SLC35F3: variants seen among roughly 807,000 people sequenced by gnomAD.
SLC35F3 encodes solute carrier family 35 member F3, also known as putative thiamine transporter SLC35F3.
In SLC35F3, 25 loss-of-function variants were observed where a neutral mutation model predicts 49.9. That is an observed-to-expected ratio of 0.50 (90% CI 0.37 to 0.70). The LOEUF (loss-of-function observed/expected upper bound fraction) is 0.70, where lower values mean the gene tolerates loss of function less well. Ranked by LOEUF, SLC35F3 falls within the 30% of genes least tolerant of loss-of-function variation. The probability of loss-of-function intolerance (pLI) is 0.00; values close to 1 mark genes in which losing one functional copy is unlikely to be tolerated. For synonymous variants in SLC35F3, 275 were observed against 265.4 expected (o/e 1.04, Z -0.35); for missense variants, 525 against 639.8 (o/e 0.82, Z 1.94).
intron 4 of SLC35F3, among the ~76,000 whole-genome samples, chr1:234,309,592 G>A (rs774231559): frequency 3.9e-5 from 6 of 152,330 alleles, no homozygotes; most frequent in Admixed American, 1.3e-4. Context: ...TGTGCCAGTC[G>A]GGGACCCAGC....
At chr1:234,161,166 G>A (rs1356307300) in intron 2 of SLC35F3, among the ~76,000 whole-genome samples, 4 of 152,106 alleles carry the variant, frequency 2.6e-5, no homozygotes, top group African/African-American at 9.7e-5. Context: ...TACTTTTTGT[G>A]ATTTACTCTG....
intron 2 of SLC35F3, among the ~76,000 whole-genome samples, chr1:233,928,169 G>T (rs934371948): frequency 5.3e-5 from 8 of 152,106 alleles, no homozygotes; most frequent in African/African-American, 1.9e-4. Flanking sequence ...ACAATGGGCA[G>T]CAGTAATCAT....
intron 2 of SLC35F3, among the ~76,000 whole-genome samples, chr1:234,184,712 G>A (rs763031556): frequency 6.6e-6 from 1 of 152,188 alleles, no homozygotes; most frequent in African/African-American, 2.4e-5. Context: ...AAAGGGAACT[G>A]AGGACTCAGC....
intron 2 of SLC35F3, among the ~76,000 whole-genome samples, chr1:234,140,167 A>G (rs1314576009): frequency 1.3e-5 from 2 of 151,804 alleles, no homozygotes; most frequent in Non-Finnish European, 2.9e-5. Flanking sequence ...CGCACTACTC[A>G]GAACAGAGCA....
chr1:234,015,435 A>G lies in SLC35F3; in HGVS notation c.283+109677A>G, dbSNP rs548063324. Among the ~76,000 whole-genome samples, 82 of 152,322 alleles carry G rather than the reference A, an allele frequency of 5.4e-4. 1 individual carries two copies. In the South Asian group the frequency reaches 0.016, roughly 30 times the overall value. Reference sequence around the variant, plus strand: ...CTTATAAAGCTATAGATATTAGAACAGTGTGATACTGGCATAAAAATAGAC... The same window carrying G: ...CTTATAAAGCTATAGATATTAGAACGGTGTGATACTGGCATAAAAATAGAC... On this transcript the variant is annotated intron_variant, in intron 2 of 7. Coordinates refer to ENST00000366618, the MANE Select transcript of SLC35F3 (RefSeq NM_173508.4).
chr1:234,129,317 C>T (rs12069929), intron 2 of SLC35F3, among the ~76,000 whole-genome samples: 82,187 of 151,994 alleles, frequency 0.54, 23,355 homozygotes, highest in Non-Finnish European at 0.62. Context: ...TGGTTACAAT[C>T]TAAAAGAAAG....
intron 2 of SLC35F3, among the ~76,000 whole-genome samples, chr1:233,926,346 T>G (rs2102790932): frequency 6.6e-6 from 1 of 152,294 alleles, no homozygotes; most frequent in South Asian, 2.1e-4. Flanking sequence ...TTACTCTTTT[T>G]TCTCTAAACT....
intron 2 of SLC35F3, among the ~76,000 whole-genome samples, chr1:234,092,832 C>G (rs1183567247): frequency 6.6e-6 from 1 of 152,180 alleles, no homozygotes; most frequent in Non-Finnish European, 1.5e-5. Flanking sequence ...TGCACCAGTG[C>G]ACTCCAGCCT....
chr1:234,112,191 A>G (rs1665417555), intron 2 of SLC35F3, among the ~76,000 whole-genome samples: 1 of 152,074 alleles, frequency 6.6e-6, no homozygotes, highest in Non-Finnish European at 1.5e-5. Flanking sequence ...AAAAATAAAA[A>G]AGAAAATAAA....
At chr1:234,154,061 C>CAA (rs918071713) in intron 2 of SLC35F3, among the ~76,000 whole-genome samples, 4 of 136,852 alleles carry the variant, frequency 2.9e-5, no homozygotes, top group African/African-American at 1.1e-4. Flanking sequence ...GACTCCGTCT[C>CAA]AAAAAAAAAA....
intron 2 of SLC35F3, among the ~76,000 whole-genome samples, chr1:233,991,410 G>A (rs12145109): frequency 0.28 from 42,044 of 151,202 alleles, 6,078 homozygotes; most frequent in East Asian, 0.49. Context: ...TAGCTCATCA[G>A]ATCCTGCAAA....
chr1:234,109,804 C>T (rs935794654), intron 2 of SLC35F3, among the ~76,000 whole-genome samples: 1 of 152,074 alleles, frequency 6.6e-6, no homozygotes, highest in African/African-American at 2.4e-5. Context: ...CAGTGGATGC[C>T]ACCTGGGCTC....
intron 2 of SLC35F3, among the ~76,000 whole-genome samples, chr1:234,074,309 C>T (rs1455922792): frequency 6.6e-6 from 1 of 152,174 alleles, no homozygotes; most frequent in Non-Finnish European, 1.5e-5. Flanking sequence ...TCTCTTTTGA[C>T]TTCATCATCA....
At chr1:234,242,274 G>T (rs184671241) in intron 3 of SLC35F3, among the ~76,000 whole-genome samples, 69 of 152,290 alleles carry the variant, frequency 4.5e-4, no homozygotes, top group Middle Eastern at 3.4e-3. Flanking sequence ...CCCATCTTGG[G>T]CCAGGCCTCC....
chr1:233,976,635 G>A (rs188303318), intron 2 of SLC35F3, among the ~76,000 whole-genome samples: 28 of 151,928 alleles, frequency 1.8e-4, no homozygotes, highest in Non-Finnish European at 4.1e-4. Context: ...TCTTGAGATG[G>A]AGTTTCACTC....
At chr1:234,290,730 G>A (rs556973291) in intron 3 of SLC35F3, among the ~76,000 whole-genome samples, 128 of 152,318 alleles carry the variant, frequency 8.4e-4, no homozygotes, top group African/African-American at 2.8e-3. Context: ...AAGCAAAAAG[G>A]CGATTTACTA....
At chr1:233,991,536 C>A (rs9435535) in intron 2 of SLC35F3, among the ~76,000 whole-genome samples, 2 of 151,934 alleles carry the variant, frequency 1.3e-5, no homozygotes, top group Admixed American at 6.6e-5. Context: ...TGTTCAATTC[C>A]TCCTTTGTTC....
chr1:234,059,799 G>C lies in SLC35F3; in HGVS notation c.283+154041G>C, dbSNP rs971064788. Among the ~76,000 whole-genome samples, 4 of 152,194 alleles carry C rather than the reference G, an allele frequency of 2.6e-5. 1 individual carries two copies. In the South Asian group the frequency reaches 8.3e-4, roughly 31 times the overall value. Reference sequence around the variant, plus strand: ...TCCGAGTCCCAAAATTGAAAAACTTGGGGCCTGATGTTTGAGGGCAGGGAG... The same window carrying C: ...TCCGAGTCCCAAAATTGAAAAACTTCGGGCCTGATGTTTGAGGGCAGGGAG... On this transcript the variant is annotated intron_variant, in intron 2 of 7. Transcript: ENST00000366618.
chr1:233,924,078 T>C (rs529436644), intron 2 of SLC35F3, among the ~76,000 whole-genome samples: 1 of 152,356 alleles, frequency 6.6e-6, no homozygotes, highest in Admixed American at 6.5e-5. Context: ...GCATCGTTGT[T>C]CATCAGGAAT....
Sources: gnomAD v4.1 joint callset for allele counts (sites outside exome capture counted in the v4.1 genomes callset) on GRCh38, gnomAD v4.1.1 for gene constraint, MANE v1.5 for transcripts, NCBI Gene and HGNC (gene_info 2026-07-23, HGNC 2026-07-21) for gene names.